Variants in DICER1 observed in about 807,000 individuals in gnomAD.
The protein encoded by DICER1 is endoribonuclease Dicer.
DICER1 carries 43 observed loss-of-function variants against 194.1 expected under a neutral mutation model. The ratio of observed to expected loss-of-function variants is 0.22; its 90% CI spans 0.17 to 0.29. DICER1 has a LOEUF of 0.29. Ranked by LOEUF, DICER1 falls within the 10% of genes least tolerant of loss-of-function variation. DICER1 has a pLI of 1.00. For synonymous variants in DICER1, 832 were observed against 820.5 expected (o/e 1.01, Z -0.24); for missense variants, 1,608 against 2,317.0 (o/e 0.69, Z 6.28).
chr14:95,145,420 C>T (rs1895069115), intron 1 of DICER1, among the ~76,000 whole-genome samples: 1 of 152,154 alleles, frequency 6.6e-6, no homozygotes, highest in South Asian at 2.1e-4. Context: ...ATACTGTGTA[C>T]TACTTACTGG....
At chr14:95,101,893 G>A (rs912118395) in intron 21 of DICER1, among the ~76,000 whole-genome samples, 6 of 152,098 alleles carry the variant, frequency 3.9e-5, no homozygotes, top group Non-Finnish European at 8.8e-5. Context: ...GGTTCTATCC[G>A]GAGCAGTTAG....
In DICER1 at chr14:95,089,643, G is replaced by C. The variant is rs1889617804; in HGVS notation, c.*855C>G. On this transcript the variant is annotated 3_prime_UTR_variant, in exon 27 of 27. Transcript: ENST00000343455. ...AAATATCCGTAGACTACATATTCTG[G>C]TTTTTAAAATGTCTTCAGTATACAT... is the stretch of plus-strand genomic sequence containing the variant. 1 of 231,232 alleles carries C rather than the reference G, an allele frequency of 4.3e-6. No individual in the cohort carries two copies. The highest frequency in any genetic ancestry group is 2.2e-5 in the African/African-American group (1 of 45,220). 14.3% of individuals were successfully genotyped at this position (231,232 alleles called of 1,614,324 possible).
intron 11 of DICER1, 90 bp downstream of exon 11, chr14:95,115,577 C>A: frequency 6.9e-7 from 1 of 1,442,950 alleles, no homozygotes; most frequent in Non-Finnish European, 9.7e-7. Flanking sequence ...GACTGGTAAC[C>A]GCAAAATGTC....
intron 20 of DICER1, among the ~76,000 whole-genome samples, 194 bp downstream of exon 20, chr14:95,104,877 A>T (rs1023761187): frequency 1.9e-4 from 29 of 152,272 alleles, no homozygotes; most frequent in African/African-American, 7.0e-4. Context: ...TCCAACTGTT[A>T]TGGCTTAAGC....
At chr14:95,127,978 A>C (rs1802872631) in intron 6 of DICER1, among the ~76,000 whole-genome samples, 1 of 152,240 alleles carries the variant, frequency 6.6e-6, no homozygotes, top group Non-Finnish European at 1.5e-5. Context: ...CATTCAATTT[A>C]TCCATTTCCA....
In DICER1 at chr14:95,087,718, TTCA is replaced by T. The variant is rs765038526; in HGVS notation, c.*2777_*2779del. On this transcript the variant is annotated 3_prime_UTR_variant, in exon 27 of 27. Coordinates refer to ENST00000343455, the MANE Select transcript of DICER1 (RefSeq NM_177438.3). Reference sequence around the variant, plus strand: ...ATTTTAAAAAATTTACAAATGAAGGTTCATGTTAACTAACTTGCACACAATCAT... The same window carrying T: ...ATTTTAAAAAATTTACAAATGAAGGTTGTTAACTAACTTGCACACAATCAT... 16 of 232,974 alleles carry T rather than the reference TTCA, an allele frequency of 6.9e-5. No individual in the cohort carries two copies. The highest frequency in any genetic ancestry group is 1.1e-4 in the Admixed American group (2 of 17,770). 14.4% of individuals were successfully genotyped at this position (232,974 alleles called of 1,614,324 possible).
chr14:95,147,837 G>GATA (rs777557380), intron 1 of DICER1, among the ~76,000 whole-genome samples: 2 of 152,176 alleles, frequency 1.3e-5, no homozygotes, highest in Non-Finnish European at 2.9e-5. Flanking sequence ...GCCCTCCTGG[G>GATA]ATTTAACTTG....
chr14:95,124,366 A>C lies in DICER1; in HGVS notation c.1206T>G (p.Asn402Lys). 6.2e-7 allele frequency: 1 copy of C among 1,614,120 alleles called. No individual in the cohort carries two copies. Among genetic ancestry groups the C allele is most frequent in the South Asian group, 1.1e-5 (1 of 91,082 alleles). Residue 402 changes from asparagine to lysine, a missense_variant, in exon 8 of 27, where the codon AAT becomes AAG. Transcript: ENST00000343455. The surrounding 1 kb of genome is among the most constrained non-coding windows in gnomAD (Gnocchi z 4.5). ...ACACATAATTATCCTGATTTCTATT[A>C]TTATACCACTCAACGCTTTCAAACT... ...RQQFESVEWY[N>K]NRNQDNYVSW...
intron 15 of DICER1, 104 bp downstream of exon 15, chr14:95,108,220 T>A: frequency 1.5e-6 from 2 of 1,324,286 alleles, no homozygotes; most frequent in Non-Finnish European, 2.2e-6. Context: ...TCTTTAAATA[T>A]TAAACATACT....
At chr14:95,151,184 GA>G (rs1173994737) in intron 1 of DICER1, among the ~76,000 whole-genome samples, 4 of 152,200 alleles carry the variant, frequency 2.6e-5, no homozygotes, top group African/African-American at 9.7e-5. Flanking sequence ...GGAAAGTTAA[GA>G]GACGTTTAAG....
chr14:95,133,629 T>C, intron 1 of DICER1, 126 bp from the exon 2 acceptor site: 1 of 749,038 alleles, frequency 1.3e-6, no homozygotes, highest in Non-Finnish European at 2.2e-6. Context: ...ATAATTGTTT[T>C]AGCTTTTTCT....
At position 95,107,961 on chromosome 14, in the gene DICER1, T is replaced by C. The variant is rs567006441; in HGVS notation, c.2569A>G (p.Ile857Val). Residue 857 changes from isoleucine to valine, a missense_variant, in exon 16 of 27, where the codon ATT becomes GTT. Ile to Val is a conservative substitution (Grantham distance 29). This residue lies in a region of DICER1 where 150 missense variants were observed against 216.0 expected (regional missense o/e 0.69). Coordinates refer to ENST00000343455, the MANE Select transcript of DICER1 (RefSeq NM_177438.3). ...TRLHQYIFSH[I>V]LRLEKPALEF... ...AGTGCAGGTTTTTCAAGCCGAAGAA[T>C]ATGTGAGAATATATACTGGTGAAGT... The C allele has an allele frequency of 1.9e-6, 3 of 1,613,942 alleles. No homozygotes were observed. The highest frequency in any genetic ancestry group is 2.2e-5 in the South Asian group (2 of 91,078).
chr14:95,137,499 A>C (rs1423616101), intron 1 of DICER1, among the ~76,000 whole-genome samples: 1 of 141,958 alleles, frequency 7.0e-6, no homozygotes, highest in Non-Finnish European at 1.5e-5. Flanking sequence ...AGGGGAAGGG[A>C]AAGGGGAAGG....
rs1178414622 is a variant in DICER1 at position 95,107,693 on chromosome 14, T to C, written c.2719A>G (p.Ile907Val). 4.3e-6 allele frequency: 7 copies of C among 1,613,628 alleles called. No homozygotes were observed. The highest frequency in any genetic ancestry group is 2.2e-5 in the East Asian group (1 of 44,874). ...GTATACTTTGTACTGGGAATGCCTA[T>C]GCGAGCTTCAGACTTCTCAATATCT... The part of the protein sequence containing the change: ...MEDIEKSEAR[I>V]GIPSTKYTKE... Residue 907 changes from isoleucine to valine, a missense_variant, in exon 17 of 27, where the codon ATA becomes GTA. This residue lies in a region of DICER1 where 150 missense variants were observed against 216.0 expected (regional missense o/e 0.69). Transcript: ENST00000343455.
chr14:95,107,276 G>C (rs1891508642), intron 17 of DICER1, among the ~76,000 whole-genome samples: 2 of 147,188 alleles, frequency 1.4e-5, no homozygotes, highest in African/African-American at 5.1e-5. Context: ...TTTTGAGACA[G>C]AGTCTTGGTG....
intron 15 of DICER1, 64 bp downstream of exon 15, chr14:95,108,257 GTTT>G: frequency 2.5e-6 from 3 of 1,192,932 alleles, no homozygotes; most frequent in Non-Finnish European, 3.6e-6. Context: ...CTTACTACTA[GTTT>G]TTTTTTTTTT....
At chr14:95,151,206 A>C (rs571509892) in intron 1 of DICER1, among the ~76,000 whole-genome samples, 14 of 152,228 alleles carry the variant, frequency 9.2e-5, no homozygotes, top group Non-Finnish European at 1.3e-4. Context: ...GCACTGTTAC[A>C]TTTGGTATCA....
At position 95,099,851 on chromosome 14, in the gene DICER1, T is replaced by C; in HGVS notation, c.4135A>G (p.Asn1379Asp). 6.2e-7 allele frequency: 1 copy of C among 1,613,960 alleles called. No individual in the cohort carries two copies. Among genetic ancestry groups the C allele is most frequent in the Non-Finnish European group, 8.5e-7 (1 of 1,179,980 alleles). ...ACTACATAACCAGGAGGAAGCCAATTCACAGGGGGATCAAATATTGACACC... is the reference window on the plus strand; with the variant it reads ...ACTACATAACCAGGAGGAAGCCAATCCACAGGGGGATCAAATATTGACACC... ...MVVSIFDPPV[N>D]WLPPGYVVNQ... Residue 1379 changes from asparagine to aspartate, a missense_variant, in exon 22 of 27, where the codon AAT becomes GAT. Asn to Asp is a conservative substitution (Grantham distance 23). This residue lies in a region of DICER1 where 58 missense variants were observed against 125.7 expected (regional missense o/e 0.46). Coordinates refer to ENST00000343455, the MANE Select transcript of DICER1 (RefSeq NM_177438.3).
chr14:95,114,718 T>C (rs1182896349), intron 11 of DICER1, among the ~76,000 whole-genome samples: 3 of 152,114 alleles, frequency 2.0e-5, no homozygotes, highest in African/African-American at 7.2e-5. Flanking sequence ...ACTCAAGTGA[T>C]CTAAGTTACC....
Sources: gnomAD v4.1 joint callset for allele counts (sites outside exome capture counted in the v4.1 genomes callset) on GRCh38, gnomAD v4.1.1 for gene constraint, gnomAD v4.1.1 regional missense constraint, Gnocchi (gnomAD v3.1) non-coding constraint, MANE v1.5 for transcripts, NCBI Gene and HGNC (gene_info 2026-07-23, HGNC 2026-07-21) for gene names.